Variants in NREP observed in about 807,000 individuals in gnomAD.
NREP encodes neuronal regeneration-related protein.
NREP carries 5 observed loss-of-function variants against 8.6 expected under a neutral mutation model. The ratio of observed to expected loss-of-function variants is 0.58; its 90% confidence interval spans 0.30 to 1.22. The LOEUF is 1.22. Among genes scored for constraint, NREP ranks in the 50% most tolerant of loss-of-function variants. The pLI is 0.07. For synonymous variants in NREP, 27 were observed against 28.0 expected, an observed-to-expected ratio of 0.96 and a Z score of 0.11; for missense variants, 86 against 82.5, an observed-to-expected ratio of 1.04 and a Z score of -0.17.
intron 2 of NREP, among the ~76,000 whole-genome samples, chr5:111,883,421 G>C (rs1754142377): frequency 6.6e-6 from 1 of 152,096 alleles, no homozygotes; most frequent in African/African-American, 2.4e-5. Context: ...CAACGAGACA[G>C]AAAGTTAACA....
chr5:111,730,808 T>A lies in NREP; in HGVS notation c.*113A>T. 8.2e-7 allele frequency: 1 copy of A among 1,213,548 alleles called. No individual in the cohort carries two copies. Among genetic ancestry groups the A allele is most frequent in the Non-Finnish European group, 1.2e-6 (1 of 867,978 alleles). 75.2% of individuals were successfully genotyped at this position (1,213,548 alleles called of 1,614,324 possible). A position where few individuals can be genotyped will look rare whatever the true frequency, so the allele number is the denominator to read the frequency against. On this transcript the variant is annotated 3_prime_UTR_variant, in exon 4 of 4. Transcript: ENST00000257435. ...AAATTCTCTAAAGCAAGGCTCAGAG[T>A]CCCATAGTTTCTTCTTATACTTGAT...
At chr5:111,848,534 T>A (rs1308589647) in intron 2 of NREP, among the ~76,000 whole-genome samples, 1 of 152,130 alleles carries the variant, frequency 6.6e-6, no homozygotes, top group Non-Finnish European at 1.5e-5. Flanking sequence ...TCTAGACAAG[T>A]ATACTACAGT....
chr5:111,968,260 T>C lies in NREP; in HGVS notation c.135+7014A>G, dbSNP rs539780381. On this transcript the variant is annotated intron_variant, in intron 2 of 3. Coordinates refer to the NREP transcript ENST00000395634. ...TCAGGTTTAAAACACTTTCTTTACATATTAAACCCTACTGGTATAAGAAAA... is the reference window on the plus strand; with the variant it reads ...TCAGGTTTAAAACACTTTCTTTACACATTAAACCCTACTGGTATAAGAAAA... Among the ~76,000 whole-genome samples, 145 of 152,284 alleles carry C rather than the reference T, an allele frequency of 9.5e-4. 2 individuals are homozygous for C. In the South Asian group the frequency reaches 0.028, roughly 30 times the overall value.
At chr5:111,811,022 T>C (rs909243738) in intron 2 of NREP, among the ~76,000 whole-genome samples, 2 of 152,188 alleles carry the variant, frequency 1.3e-5, no homozygotes, top group Non-Finnish European at 1.5e-5. Flanking sequence ...TTACATGAAG[T>C]AATTATAGAG....
At chr5:111,763,174 A>C (rs1450074861) in intron 2 of NREP, among the ~76,000 whole-genome samples, 1 of 152,236 alleles carries the variant, frequency 6.6e-6, no homozygotes, top group Non-Finnish European at 1.5e-5. Context: ...CCACACCAAG[A>C]GTATGCTCAG....
chr5:111,904,750 G>A (rs1467291009), intron 2 of NREP, among the ~76,000 whole-genome samples: 2 of 152,060 alleles, frequency 1.3e-5, no homozygotes, highest in Non-Finnish European at 2.9e-5. Flanking sequence ...TCTAAATAAA[G>A]ACAGCAGGAA....
intron 2 of NREP, among the ~76,000 whole-genome samples, chr5:111,787,794 T>C (rs1001570327): frequency 1.3e-5 from 2 of 152,214 alleles, no homozygotes; most frequent in Non-Finnish European, 2.9e-5. Flanking sequence ...TTTCTTATTT[T>C]TTACATTAAA....
rs34712300 is a variant in NREP at position 111,957,706 on chromosome 5, T to TAC, written c.135+17566_135+17567dup. 3.0e-3 allele frequency among the ~76,000 whole-genome samples: 457 copies of TAC among 151,020 alleles called. 3 individuals are homozygous for TAC. The highest frequency in any genetic ancestry group is 9.0e-3 in the African/African-American group (371 of 41,248). On this transcript the variant is annotated intron_variant, in intron 2 of 3. Coordinates refer to the NREP transcript ENST00000395634. ...AACTTCATGTGTGTGTATATATATA[T>TAC]ACACACACACACACATATATATCTG...
intron 2 of NREP, among the ~76,000 whole-genome samples, chr5:111,883,931 A>G (rs1376305496): frequency 6.6e-6 from 1 of 152,150 alleles, no homozygotes; most frequent in Non-Finnish European, 1.5e-5. Flanking sequence ...AGCAAGAGCA[A>G]ACACATTCAA....
At chr5:111,843,014 C>T (rs948814652) in intron 2 of NREP, among the ~76,000 whole-genome samples, 9 of 152,078 alleles carry the variant, frequency 5.9e-5, no homozygotes, top group African/African-American at 9.7e-5. Flanking sequence ...TACAATGTGT[C>T]GTGGTGAAGA....
At chr5:111,939,743 A>G (rs555804676) in intron 2 of NREP, among the ~76,000 whole-genome samples, 3 of 152,120 alleles carry the variant, frequency 2.0e-5, no homozygotes, top group East Asian at 1.9e-4. Flanking sequence ...ATGGTCCCCA[A>G]GTGTAATACA....
chr5:111,882,226 A>G (rs934984190), intron 2 of NREP, among the ~76,000 whole-genome samples: 2 of 152,226 alleles, frequency 1.3e-5, no homozygotes, highest in African/African-American at 4.8e-5. Flanking sequence ...AAGAAAGGGT[A>G]TCAGTGATGG....
intron 2 of NREP, among the ~76,000 whole-genome samples, chr5:111,958,586 T>G (rs541982628): frequency 2.0e-5 from 3 of 151,932 alleles, no homozygotes; most frequent in Non-Finnish European, 2.9e-5. Flanking sequence ...CAGAAGCACA[T>G]AGTTTAATCT....
At chr5:111,761,624 C>T (rs576036422), upstream of NREP, among the ~76,000 whole-genome samples, 13 of 152,266 alleles carry the variant, frequency 8.5e-5, no homozygotes, top group East Asian at 5.8e-4. Flanking sequence ...AGGAACAGAT[C>T]GCAGGATACA....
chr5:111,867,396 C>T (rs140988478), intron 2 of NREP, among the ~76,000 whole-genome samples: 37 of 152,174 alleles, frequency 2.4e-4, no homozygotes, highest in South Asian at 6.2e-4. Flanking sequence ...ATGGGGAGGA[C>T]GCACTTCCTT....
chr5:111,973,961 A>G (rs1392866507), intron 2 of NREP, among the ~76,000 whole-genome samples: 1 of 152,242 alleles, frequency 6.6e-6, no homozygotes, highest in Non-Finnish European at 1.5e-5. Flanking sequence ...ATGTACACAT[A>G]TATCAGTACA....
intron 2 of NREP, among the ~76,000 whole-genome samples, chr5:111,835,494 G>A (rs916471180): frequency 3.9e-5 from 6 of 152,058 alleles, no homozygotes; most frequent in African/African-American, 1.4e-4. Context: ...TTCTATAAAA[G>A]GCTTCTCAGG....
At chr5:111,757,587 C>T, upstream of NREP, 2 of 984,038 alleles carry the variant, frequency 2.0e-6, no homozygotes, top group Non-Finnish European at 2.4e-6. Flanking sequence ...GGCTCTGGGC[C>T]CCGTCGGCGA....
intron 2 of NREP, among the ~76,000 whole-genome samples, chr5:111,929,728 G>T (rs1251095548): frequency 6.6e-6 from 1 of 152,136 alleles, no homozygotes; most frequent in Non-Finnish European, 1.5e-5. Flanking sequence ...GGCAATTCCT[G>T]TGTGGCAAAC....
Sources: allele counts gnomAD v4.1 joint callset (sites outside exome capture counted in the v4.1 genomes callset), GRCh38; gene constraint gnomAD v4.1.1; transcripts MANE v1.5; gene names NCBI Gene and HGNC (gene_info 2026-07-23, HGNC 2026-07-21).